The following SPMIP7 variants were observed in gnomAD, a reference collection of about 807,000 sequenced individuals.
SPMIP7 encodes the protein protein SPMIP7.
At chr7:50,112,962 G>T in the SPMIP7 span, among the ~76,000 whole-genome samples, 1 of 150,820 alleles carries the variant, frequency 6.6e-6, no homozygotes, top group African/African-American at 2.4e-5. Context: ...AACATAAAAG[G>T]AACTACTAAA....
At chr7:50,115,242 G>T in the SPMIP7 span, among the ~76,000 whole-genome samples, 1 of 151,952 alleles carries the variant, frequency 6.6e-6, no homozygotes, top group Non-Finnish European at 1.5e-5. Flanking sequence ...ATAGGAAAGG[G>T]ATCAATCCAT....
At chr7:50,114,431 T>C in the SPMIP7 span, among the ~76,000 whole-genome samples, 1 of 152,124 alleles carries the variant, frequency 6.6e-6, no homozygotes, top group Non-Finnish European at 1.5e-5. Flanking sequence ...AATGATATAT[T>C]ATTATCCTGT....
chr7:50,159,231 G>GA, the SPMIP7 span: 3 of 1,524,454 alleles, frequency 2.0e-6, no homozygotes, highest in African/African-American at 2.8e-5. Flanking sequence ...GCGGCGGTGG[G>GA]AAATAAAGGC....
At chr7:50,098,763 C>T in the SPMIP7 span, among the ~76,000 whole-genome samples, 3 of 152,204 alleles carry the variant, frequency 2.0e-5, no homozygotes, top group Admixed American at 2.0e-4. Context: ...TTTGCCTCAT[C>T]TAAAGCTAAT....
the SPMIP7 span, among the ~76,000 whole-genome samples, chr7:50,099,821 C>T: frequency 6.6e-6 from 1 of 152,114 alleles, no homozygotes; most frequent in African/African-American, 2.4e-5. Context: ...GGATCTATGG[C>T]GACTATCTCT....
the SPMIP7 span, among the ~76,000 whole-genome samples, chr7:50,158,287 C>T: frequency 6.6e-6 from 1 of 151,638 alleles, no homozygotes; most frequent in Non-Finnish European, 1.5e-5. Flanking sequence ...TCTGGGTGAC[C>T]CAGCCATGTC....
the SPMIP7 span, among the ~76,000 whole-genome samples, chr7:50,143,158 C>CT: frequency 8.6e-6 from 1 of 115,948 alleles, no homozygotes; most frequent in African/African-American, 3.1e-5. Flanking sequence ...CAGTGAAAGC[C>CT]ATTTTTTTTT....
chr7:50,136,669 A>G, the SPMIP7 span, among the ~76,000 whole-genome samples: 3 of 152,204 alleles, frequency 2.0e-5, no homozygotes, highest in Non-Finnish European at 4.4e-5. Flanking sequence ...TTTTTGTATT[A>G]TATAGTTACT....
chr7:50,152,494 G>A, the SPMIP7 span, among the ~76,000 whole-genome samples: 10 of 152,066 alleles, frequency 6.6e-5, no homozygotes, highest in South Asian at 2.1e-4. Flanking sequence ...CATTGCAAAC[G>A]GTTTTGAAAA....
chr7:50,132,695 T>G, the SPMIP7 span, among the ~76,000 whole-genome samples: 1 of 152,200 alleles, frequency 6.6e-6, no homozygotes, highest in African/African-American at 2.4e-5. Flanking sequence ...TTAAAATATC[T>G]TATTATATTT....
At chr7:50,129,117 T>C in the SPMIP7 span, among the ~76,000 whole-genome samples, 1 of 151,852 alleles carries the variant, frequency 6.6e-6, no homozygotes, top group African/African-American at 2.4e-5. Context: ...AATTAAAACA[T>C]AGAACTAGAA....
chr7:50,102,371 T>C, the SPMIP7 span, among the ~76,000 whole-genome samples: 1 of 152,294 alleles, frequency 6.6e-6, no homozygotes. Context: ...GATTCTTATC[T>C]AGAGGGTCTG....
At chr7:50,125,492 T>A in the SPMIP7 span, among the ~76,000 whole-genome samples, 1 of 149,234 alleles carries the variant, frequency 6.7e-6, no homozygotes, top group African/African-American at 2.5e-5. Context: ...AATTGTGAAA[T>A]GGAGGATAGA....
the SPMIP7 span, chr7:50,142,396 G>A: frequency 6.6e-6 from 1 of 152,052 alleles, no homozygotes; most frequent in South Asian, 2.1e-4. Context: ...ATAAATTTGG[G>A]CATATAGCAT....
At chr7:50,150,373 G>T in the SPMIP7 span, among the ~76,000 whole-genome samples, 2 of 152,162 alleles carry the variant, frequency 1.3e-5, no homozygotes, top group East Asian at 1.9e-4. Context: ...TTTGCAATCT[G>T]CCCACTGGCC....
chr7:50,125,359 T>TACAC, the SPMIP7 span, among the ~76,000 whole-genome samples: 3 of 133,584 alleles, frequency 2.2e-5, no homozygotes, highest in East Asian at 4.5e-4. Flanking sequence ...CACACATATA[T>TACAC]ATACACATAT....
At chr7:50,141,675 T>C in the SPMIP7 span, 1 of 243,196 alleles carries the variant, frequency 4.1e-6, no homozygotes, top group Non-Finnish European at 8.3e-6. Flanking sequence ...GGGGGATCAA[T>C]AATGTTTGTA....
At chr7:50,144,294 C>A in the SPMIP7 span, among the ~76,000 whole-genome samples, 1 of 152,038 alleles carries the variant, frequency 6.6e-6, no homozygotes, top group East Asian at 1.9e-4. Context: ...TTTTCAATCC[C>A]AATATTAAAA....
the SPMIP7 span, chr7:50,136,104 G>A: frequency 1.9e-6 from 3 of 1,549,730 alleles, no homozygotes; most frequent in Non-Finnish European, 2.6e-6. Context: ...TTAGATGGTT[G>A]GTGAGCTCTG....
Sources: allele counts gnomAD v4.1 joint callset (sites outside exome capture counted in the v4.1 genomes callset), GRCh38; gene constraint gnomAD v4.1.1; transcripts MANE v1.5; gene names NCBI Gene and HGNC (gene_info 2026-07-23, HGNC 2026-07-21).